The following ELOVL6 variants were observed in gnomAD, a reference collection of about 807,000 sequenced individuals.
ELOVL6 encodes the protein ELOVL fatty acid elongase 6.
A neutral mutation model predicts 31.7 loss-of-function variants in ELOVL6; 8 were observed. That is an observed-to-expected ratio of 0.25 (90% CI 0.15 to 0.45). ELOVL6 has a LOEUF of 0.45. Ranked by LOEUF, ELOVL6 falls within the 20% of genes least tolerant of loss-of-function variation. ELOVL6 has a pLI of 1.00. For synonymous variants in ELOVL6, 101 were observed against 117.7 expected, an observed-to-expected ratio of 0.86 and a Z score of 0.92; for missense variants, 126 against 326.4, an observed-to-expected ratio of 0.39 and a Z score of 4.73.
intron 1 of ELOVL6, among the ~76,000 whole-genome samples, chr4:110,140,002 T>A (rs760851930): frequency 1.3e-5 from 2 of 152,216 alleles, no homozygotes; most frequent in Non-Finnish European, 2.9e-5. Context: ...CTACTGATCC[T>A]ACCATGTGGT....
At chr4:110,188,818 G>A (rs1270867957) in intron 1 of ELOVL6, among the ~76,000 whole-genome samples, 1 of 151,254 alleles carries the variant, frequency 6.6e-6, no homozygotes, top group Non-Finnish European at 1.5e-5. Context: ...TTGAACCTGG[G>A]AGGCAGAGGT....
chr4:110,147,547 T>C (rs1758154003), intron 1 of ELOVL6, among the ~76,000 whole-genome samples: 2 of 152,076 alleles, frequency 1.3e-5, no homozygotes, highest in Non-Finnish European at 2.9e-5. Context: ...GGAACTAACA[T>C]CCAGAATTTA....
intron 1 of ELOVL6, among the ~76,000 whole-genome samples, chr4:110,148,936 C>T (rs1758206053): frequency 6.6e-6 from 1 of 152,238 alleles, no homozygotes; most frequent in African/African-American, 2.4e-5. Flanking sequence ...TCACAGCTCA[C>T]TGCAAGGTCA....
chr4:110,105,462 G>C (rs1378239721), intron 2 of ELOVL6, 35 bp downstream of exon 2: 3 of 1,571,584 alleles, frequency 1.9e-6, no homozygotes, highest in Non-Finnish European at 2.6e-6. Flanking sequence ...GTGATAAAAT[G>C]GATACGTTTT....
rs567584881 is a variant in ELOVL6 at position 110,185,654 on chromosome 4, A to G, written c.89+12593T>C. 8.5e-5 allele frequency among the ~76,000 whole-genome samples: 13 copies of G among 152,352 alleles called. 1 individual carries two copies. The highest frequency in any genetic ancestry group is 8.8e-5 in the Non-Finnish European group (6 of 68,038). ...TAGAGAGAACATAATATGTACAAGT[A>G]GTATTAAGACAACCATGCAGAAATG... On this transcript the variant is annotated intron_variant, in intron 1 of 3. Transcript: ENST00000302274.
intron 2 of ELOVL6, among the ~76,000 whole-genome samples, chr4:110,079,907 A>C (rs371524101): frequency 1.3e-5 from 2 of 151,918 alleles, no homozygotes; most frequent in African/African-American, 4.8e-5. Flanking sequence ...GATAAAGGGG[A>C]TATCACCACC....
chr4:110,090,836 T>C (rs28712862), intron 2 of ELOVL6, among the ~76,000 whole-genome samples: 88,725 of 151,752 alleles, frequency 0.58, 28,061 homozygotes, highest in African/African-American at 0.84. Flanking sequence ...ATCTCCTGAC[T>C]TTGCGATCCA....
At chr4:110,165,554 A>T (rs1758751813) in intron 1 of ELOVL6, among the ~76,000 whole-genome samples, 1 of 152,190 alleles carries the variant, frequency 6.6e-6, no homozygotes, top group Non-Finnish European at 1.5e-5. Context: ...TAGCTCAGAG[A>T]CACAGCAGCC....
At chr4:110,056,136 C>T (rs143940846) in intron 3 of ELOVL6, among the ~76,000 whole-genome samples, 78 of 145,612 alleles carry the variant, frequency 5.4e-4, no homozygotes, top group African/African-American at 1.9e-3. Flanking sequence ...GGGGGGGATA[C>T]AGTTTCAGTA....
chr4:110,069,269 A>G (rs1216927784), intron 2 of ELOVL6, among the ~76,000 whole-genome samples: 1 of 151,980 alleles, frequency 6.6e-6, no homozygotes, highest in African/African-American at 2.4e-5. Context: ...TCTGATGAAG[A>G]TATCACACAC....
intron 1 of ELOVL6, among the ~76,000 whole-genome samples, chr4:110,119,083 T>C (rs79825963): frequency 6.6e-6 from 1 of 151,996 alleles, no homozygotes; most frequent in Non-Finnish European, 1.5e-5. Context: ...TTAAAATTAA[T>C]AAAAATTGAG....
At chr4:110,140,819 G>T (rs1398186476) in intron 1 of ELOVL6, among the ~76,000 whole-genome samples, 1 of 151,328 alleles carries the variant, frequency 6.6e-6, no homozygotes, top group Admixed American at 6.6e-5. Context: ...TAAAAGTTTA[G>T]CAAAATCTAA....
At chr4:110,084,185 A>G (rs866463527) in intron 2 of ELOVL6, among the ~76,000 whole-genome samples, 1 of 67,598 alleles carries the variant, frequency 1.5e-5, no homozygotes, top group South Asian at 4.9e-4. Flanking sequence ...GATATATATA[A>G]CATATAACTT....
chr4:110,057,315 G>A (rs1164417365), intron 3 of ELOVL6, among the ~76,000 whole-genome samples: 1 of 150,438 alleles, frequency 6.6e-6, no homozygotes. Context: ...CTACTGGCAT[G>A]ATTATTTCTT....
At chr4:110,089,119 C>G (rs1353507896) in intron 2 of ELOVL6, among the ~76,000 whole-genome samples, 1 of 152,128 alleles carries the variant, frequency 6.6e-6, no homozygotes, top group African/African-American at 2.4e-5. Context: ...GCAAATGTTA[C>G]TCCGACAGCT....
intron 1 of ELOVL6, among the ~76,000 whole-genome samples, chr4:110,129,506 C>T (rs1757605145): frequency 6.6e-6 from 1 of 152,214 alleles, no homozygotes; most frequent in Non-Finnish European, 1.5e-5. Flanking sequence ...ATTTGCCTTG[C>T]TCTTTTTCAG....
At position 110,148,788 on chromosome 4, in the gene ELOVL6, A is replaced by G. The variant is rs540207387; in HGVS notation, c.90-43160T>C. 7.6e-4 allele frequency among the ~76,000 whole-genome samples: 116 copies of G among 152,322 alleles called. 1 individual carries two copies. The highest frequency in any genetic ancestry group is 3.9e-3 in the Admixed American group (59 of 15,302). On this transcript the variant is annotated intron_variant, in intron 1 of 3. Transcript: ENST00000302274. Reference sequence around the variant, plus strand: ...CTGTGTACCCACAAAAATTTAAAATAATTTTTTTAAAAAGGACAAAAAAAT... The same window carrying G: ...CTGTGTACCCACAAAAATTTAAAATGATTTTTTTAAAAAGGACAAAAAAAT...
chr4:110,108,928 C>G (rs185825735), intron 1 of ELOVL6, among the ~76,000 whole-genome samples: 106 of 152,290 alleles, frequency 7.0e-4, no homozygotes, highest in African/African-American at 2.4e-3. Flanking sequence ...ATAATTACCT[C>G]TTTAACTGAG....
intron 1 of ELOVL6, among the ~76,000 whole-genome samples, chr4:110,143,748 A>G (rs1446479516): frequency 6.6e-6 from 1 of 152,204 alleles, no homozygotes; most frequent in African/African-American, 2.4e-5. Context: ...AAAGTAAGTT[A>G]CTTTAATAAT....
Sources: gnomAD v4.1 joint callset for allele counts (sites outside exome capture counted in the v4.1 genomes callset) on GRCh38, gnomAD v4.1.1 for gene constraint, MANE v1.5 for transcripts, NCBI Gene and HGNC (gene_info 2026-07-23, HGNC 2026-07-21) for gene names.